SYN2: variants seen among roughly 807,000 people sequenced by gnomAD.
The protein encoded by SYN2 is synapsin II.
A neutral mutation model predicts 50.9 loss-of-function variants in SYN2; 19 were observed. That is an observed-to-expected ratio of 0.37 (90% confidence interval 0.26 to 0.55). The LOEUF is 0.55. Ranked by LOEUF, SYN2 falls within the 20% of genes least tolerant of loss-of-function variation. SYN2 has a pLI of 0.81. For missense variants in SYN2, 587 were observed against 576.4 expected (o/e 1.02, Z -0.19); for synonymous variants, 255 against 224.9 (o/e 1.13, Z -1.20).
intron 1 of SYN2, among the ~76,000 whole-genome samples, chr3:12,027,408 T>C (rs1052524787): frequency 1.3e-4 from 20 of 152,168 alleles, no homozygotes; most frequent in Non-Finnish European, 2.4e-4. Context: ...ATGAAAGATG[T>C]CGTACCCATT....
chr3:12,085,276 AAAG>A (rs900431710), intron 1 of SYN2, among the ~76,000 whole-genome samples: 40 of 151,646 alleles, frequency 2.6e-4, no homozygotes, highest in African/African-American at 9.4e-4. Context: ...AAAAAAAGAC[AAAG>A]AAGGTCATTA....
intron 4 of SYN2, among the ~76,000 whole-genome samples, chr3:12,149,808 C>G (rs1697234908): frequency 6.6e-6 from 1 of 152,132 alleles, no homozygotes; most frequent in African/African-American, 2.4e-5. Flanking sequence ...CATATCTATA[C>G]CTACAAAAGG....
chr3:12,037,078 C>G (rs1470012177), intron 1 of SYN2, among the ~76,000 whole-genome samples: 2 of 152,160 alleles, frequency 1.3e-5, no homozygotes, highest in African/African-American at 4.8e-5. Context: ...TTTCTAATAC[C>G]TTGTTCCTCA....
At chr3:12,093,687 T>G (rs1574936338) in intron 1 of SYN2, among the ~76,000 whole-genome samples, 1 of 152,186 alleles carries the variant, frequency 6.6e-6, no homozygotes, top group East Asian at 1.9e-4. Context: ...TTTGAGCATG[T>G]TATTTTCCTT....
At chr3:12,054,380 T>C (rs1694942388) in intron 1 of SYN2, among the ~76,000 whole-genome samples, 1 of 151,928 alleles carries the variant, frequency 6.6e-6, no homozygotes, top group Non-Finnish European at 1.5e-5. Flanking sequence ...AATCTGGGAG[T>C]TGTAGGAGGA....
chr3:12,009,686 TAGTA>T (rs1693876352), intron 1 of SYN2, among the ~76,000 whole-genome samples: 2 of 152,234 alleles, frequency 1.3e-5, no homozygotes, highest in Non-Finnish European at 2.9e-5. Flanking sequence ...ATGGAGCTGT[TAGTA>T]AGTGCTTAAA....
At chr3:12,186,062 G>T (rs1024324206) in intron 11 of SYN2, among the ~76,000 whole-genome samples, 6 of 152,218 alleles carry the variant, frequency 3.9e-5, no homozygotes, top group Admixed American at 2.0e-4. Flanking sequence ...GTGGGGAACT[G>T]AGCGGATAGT....
chr3:12,162,601 ACT>A (rs922029786), intron 7 of SYN2, among the ~76,000 whole-genome samples: 1 of 152,044 alleles, frequency 6.6e-6, no homozygotes, highest in African/African-American at 2.4e-5. Context: ...ATTTTTGATA[ACT>A]CTAATTGGGT....
At chr3:12,163,076 TAAA>T (rs1228047741) in intron 7 of SYN2, among the ~76,000 whole-genome samples, 1 of 151,586 alleles carries the variant, frequency 6.6e-6, no homozygotes, top group South Asian at 2.1e-4. Context: ...CCATCTCTAC[TAAA>T]AAATACAAAG....
intron 1 of SYN2, among the ~76,000 whole-genome samples, chr3:12,063,190 T>C (rs1319041329): frequency 6.6e-6 from 1 of 151,928 alleles, no homozygotes; most frequent in African/African-American, 2.4e-5. Flanking sequence ...ATCTATGGAA[T>C]TCAACAACAC....
intron 1 of SYN2, among the ~76,000 whole-genome samples, chr3:12,015,880 C>A (rs1694019955): frequency 6.6e-6 from 1 of 152,222 alleles, no homozygotes; most frequent in Admixed American, 6.5e-5. Context: ...CTCCCAAGCA[C>A]AACTATAATC....
At chr3:12,071,007 TCTGGAGGCGCTGTTATAG>T in intron 1 of SYN2, 1 of 551,968 alleles carries the variant, frequency 1.8e-6, no homozygotes, top group South Asian at 1.4e-5. Context: ...GGTCCTGGTG[TCTGGAGGCGCTGTTATAG>T]CTTTCCTTCC....
chr3:12,110,260 C>T (rs1696283202), intron 1 of SYN2, among the ~76,000 whole-genome samples: 1 of 152,218 alleles, frequency 6.6e-6, no homozygotes, highest in African/African-American at 2.4e-5. Flanking sequence ...CCATGTCTCA[C>T]ATCCGGATCA....
At chr3:12,167,537 C>T (rs1256013355) in intron 8 of SYN2, among the ~76,000 whole-genome samples, 1 of 152,094 alleles carries the variant, frequency 6.6e-6, no homozygotes, top group African/African-American at 2.4e-5. Context: ...CCTGAGGCCT[C>T]ACCAGAAGCA....
intron 1 of SYN2, among the ~76,000 whole-genome samples, chr3:12,108,478 C>G (rs1324663061): frequency 6.6e-6 from 1 of 152,184 alleles, no homozygotes; most frequent in East Asian, 1.9e-4. Flanking sequence ...GTGGCTGTAA[C>G]TTTGACATTG....
At chr3:12,146,035 A>T (rs1697142635) in intron 4 of SYN2, among the ~76,000 whole-genome samples, 200 bp downstream of exon 4, 1 of 152,160 alleles carries the variant, frequency 6.6e-6, no homozygotes, top group Non-Finnish European at 1.5e-5. Context: ...GACATGGGGG[A>T]GGGCTGGCCA....
chr3:12,067,287 T>TA (rs950137152), intron 1 of SYN2, among the ~76,000 whole-genome samples: 9 of 151,110 alleles, frequency 6.0e-5, no homozygotes, highest in Non-Finnish European at 8.9e-5. Flanking sequence ...TTCAGTGATT[T>TA]AAAAAAAAAG....
chr3:12,175,640 A>G (rs1185810133), intron 10 of SYN2, among the ~76,000 whole-genome samples: 1 of 152,160 alleles, frequency 6.6e-6, no homozygotes, highest in African/African-American at 2.4e-5. Context: ...CGTTGTCCTT[A>G]GCTCCACCAT....
In SYN2 at chr3:12,064,272, C is replaced by T. The variant is rs1262426638; in HGVS notation, c.377+59344C>T. Among the ~76,000 whole-genome samples, 4 of 152,074 alleles carry T rather than the reference C, an allele frequency of 2.6e-5. No individual in the cohort carries two copies. The East Asian group carries it at 7.7e-4, about 29-fold the overall frequency. On this transcript the variant is annotated intron_variant, in intron 1 of 12. Transcript: ENST00000621198. ...GTCTGAGAAACTGTCAAGAGGAGAA[C>T]TTAAGGAGACATGGTGATTAATGTG...
Sources: gnomAD v4.1 joint callset for allele counts (sites outside exome capture counted in the v4.1 genomes callset) on GRCh38, gnomAD v4.1.1 for gene constraint, MANE v1.5 for transcripts, NCBI Gene and HGNC (gene_info 2026-07-23, HGNC 2026-07-21) for gene names.